SLC71A1: variants seen among roughly 807,000 people sequenced by gnomAD.
The protein encoded by SLC71A1 is solute carrier family 71 member 1, also known as hippocampus abundant gene transcript 1.
the SLC71A1 span, among the ~76,000 whole-genome samples, chr1:100,081,162 A>G: frequency 1.3e-5 from 2 of 152,220 alleles, no homozygotes; most frequent in South Asian, 4.1e-4. Context: ...ACTTTTAAAT[A>G]AAAGAATGTT....
At chr1:100,067,441 G>A in the SLC71A1 span, among the ~76,000 whole-genome samples, 1 of 152,030 alleles carries the variant, frequency 6.6e-6, no homozygotes, top group Non-Finnish European at 1.5e-5. Context: ...GATACAGACA[G>A]GGTTTCTCCA....
At chr1:100,078,769 A>C in the SLC71A1 span, 1 of 394,302 alleles carries the variant, frequency 2.5e-6, no homozygotes, top group Non-Finnish European at 4.5e-6. Context: ...TGTTCTGTTC[A>C]TAGAAAATTT....
the SLC71A1 span, among the ~76,000 whole-genome samples, chr1:100,049,253 T>C: frequency 4.5e-4 from 69 of 152,140 alleles, 2 homozygotes; most frequent in East Asian, 0.013. Flanking sequence ...ATACTTTCGC[T>C]GGGGATTGTT....
At chr1:100,055,097 A>T in the SLC71A1 span, among the ~76,000 whole-genome samples, 1 of 152,254 alleles carries the variant, frequency 6.6e-6, no homozygotes, top group East Asian at 1.9e-4. Context: ...ATCATTAGTG[A>T]TAAGATCTAG....
the SLC71A1 span, among the ~76,000 whole-genome samples, chr1:100,057,222 T>A: frequency 6.6e-6 from 1 of 152,180 alleles, no homozygotes; most frequent in African/African-American, 2.4e-5. Context: ...TTGTGGAGTA[T>A]TATCAAGAAA....
At chr1:100,046,140 T>G in the SLC71A1 span, among the ~76,000 whole-genome samples, 2 of 151,732 alleles carry the variant, frequency 1.3e-5, no homozygotes, top group African/African-American at 4.8e-5. Flanking sequence ...TTTATACCAG[T>G]ATTATGCTGT....
chr1:100,043,081 A>G, the SLC71A1 span: 1 of 984,998 alleles, frequency 1.0e-6, no homozygotes, highest in African/African-American at 1.7e-5. Flanking sequence ...AGATGGCTAT[A>G]TGCATCCAGT....
chr1:100,041,340 AATTAC>A, the SLC71A1 span, among the ~76,000 whole-genome samples: 1 of 152,192 alleles, frequency 6.6e-6, no homozygotes, highest in Non-Finnish European at 1.5e-5. Context: ...AATTAAGATA[AATTAC>A]ATTAAGGTGT....
chr1:100,074,471 C>T, the SLC71A1 span, among the ~76,000 whole-genome samples: 733 of 151,934 alleles, frequency 4.8e-3, 4 homozygotes, highest in African/African-American at 0.016. Context: ...CCCAGCTACT[C>T]GGGAGGCTGA....
chr1:100,040,396 G>A, the SLC71A1 span, among the ~76,000 whole-genome samples: 2 of 152,154 alleles, frequency 1.3e-5, no homozygotes, highest in Non-Finnish European at 2.9e-5. Context: ...AGAAATGATT[G>A]TAAAATGGTA....
the SLC71A1 span, among the ~76,000 whole-genome samples, chr1:100,066,841 T>C: frequency 6.6e-6 from 1 of 151,510 alleles, no homozygotes; most frequent in Non-Finnish European, 1.5e-5. Context: ...TACAAAAAAT[T>C]AGCCGGGCGA....
At chr1:100,042,519 G>A in the SLC71A1 span, among the ~76,000 whole-genome samples, 1,680 of 152,176 alleles carry the variant, frequency 0.011, 33 homozygotes, top group African/African-American at 0.038. Context: ...GGGATGTAGG[G>A]CCTTTGTAGA....
chr1:100,076,218 T>G, the SLC71A1 span, among the ~76,000 whole-genome samples: 1 of 152,218 alleles, frequency 6.6e-6, no homozygotes, highest in African/African-American at 2.4e-5. Context: ...CATCTCAATT[T>G]AAAGAATTCA....
the SLC71A1 span, among the ~76,000 whole-genome samples, chr1:100,078,097 T>C: frequency 6.6e-6 from 1 of 152,230 alleles, no homozygotes; most frequent in Non-Finnish European, 1.5e-5. Flanking sequence ...TGCCAAAGAC[T>C]TGTTGGCTTC....
chr1:100,063,362 G>A, the SLC71A1 span, among the ~76,000 whole-genome samples: 30 of 152,294 alleles, frequency 2.0e-4, no homozygotes, highest in Admixed American at 1.8e-3. Flanking sequence ...GAAGTGGCCA[G>A]GCACAGTGGC....
the SLC71A1 span, chr1:100,079,467 T>C: frequency 6.6e-6 from 1 of 152,082 alleles, no homozygotes; most frequent in African/African-American, 2.4e-5. Flanking sequence ...AAAGGGGCAC[T>C]GCAAAACAGT....
At chr1:100,068,641 A>G in the SLC71A1 span, 2 of 981,580 alleles carry the variant, frequency 2.0e-6, no homozygotes, top group African/African-American at 3.3e-5. Flanking sequence ...GTGCTTTAAT[A>G]AAAATATTTA....
chr1:100,038,385 A>C, the SLC71A1 span: 3 of 1,269,722 alleles, frequency 2.4e-6, no homozygotes, highest in Non-Finnish European at 2.2e-6. Flanking sequence ...AGACCCCCAC[A>C]CTGCCGTCTC....
At chr1:100,075,777 C>G in the SLC71A1 span, among the ~76,000 whole-genome samples, 1 of 152,084 alleles carries the variant, frequency 6.6e-6, no homozygotes, top group East Asian at 1.9e-4. Flanking sequence ...CTCCTGGGCT[C>G]GAGTGATCCT....
Sources: allele counts gnomAD v4.1 joint callset (sites outside exome capture counted in the v4.1 genomes callset), GRCh38; gene constraint gnomAD v4.1.1; transcripts MANE v1.5; gene names NCBI Gene and HGNC (gene_info 2026-07-23, HGNC 2026-07-21).